CDH13: variants seen among roughly 807,000 people sequenced by gnomAD.
CDH13 encodes the protein cadherin-13.
A neutral mutation model predicts 63.8 loss-of-function variants in CDH13; 24 were observed. That is an observed-to-expected ratio of 0.38 (90% CI 0.27 to 0.53). The LOEUF (loss-of-function observed/expected upper bound fraction) is 0.53, where lower values mean the gene tolerates loss of function less well. CDH13 is among the 20% of genes least tolerant of loss of function. The pLI is 0.85. For synonymous variants in CDH13, 503 were observed against 355.3 expected (o/e 1.42, Z -4.67); for missense variants, 1,049 against 903.1 (o/e 1.16, Z -2.07).
At chr16:83,791,278 C>A (rs1012077384) in intron 13 of CDH13, among the ~76,000 whole-genome samples, 3 of 152,168 alleles carry the variant, frequency 2.0e-5, no homozygotes, top group African/African-American at 7.2e-5. Flanking sequence ...GGGCCGATCA[C>A]CTGAGGTCAG....
At chr16:83,658,694 G>A (rs1913128104) in intron 8 of CDH13, among the ~76,000 whole-genome samples, 1 of 148,438 alleles carries the variant, frequency 6.7e-6, no homozygotes, top group African/African-American at 2.5e-5. Context: ...CTCACCACCA[G>A]GTCCCATATC....
intron 1 of CDH13, among the ~76,000 whole-genome samples, chr16:82,791,654 A>G (rs1487735685): frequency 6.6e-6 from 1 of 152,080 alleles, no homozygotes; most frequent in Non-Finnish European, 1.5e-5. Flanking sequence ...ACCCCTCTGG[A>G]TCCAGCAGGG....
At chr16:83,580,451 TC>T (rs1164179104) in intron 7 of CDH13, among the ~76,000 whole-genome samples, 1 of 7,662 alleles carries the variant, frequency 1.3e-4, no homozygotes, top group African/African-American at 1.1e-3. Flanking sequence ...TGTTCATTTC[TC>T]TCTCTCTCTC....
intron 2 of CDH13, among the ~76,000 whole-genome samples, chr16:82,880,149 C>T (rs1026450901): frequency 6.6e-6 from 1 of 151,912 alleles, no homozygotes; most frequent in African/African-American, 2.4e-5. Flanking sequence ...ACCTACTGAT[C>T]AGTGTATATT....
Position 83,264,176 on chromosome 16 carries a change from C to T in CDH13, c.636+46679C>T, listed in dbSNP as rs370426695. ...TAGGGTATAAATTGCTGCTGCCCAA[C>T]CCTGAATACATTTTTTTTCATCCAG... is the stretch of plus-strand genomic sequence containing the variant. On this transcript the variant is annotated intron_variant, in intron 5 of 13. Transcript: ENST00000567109. Among the ~76,000 whole-genome samples the T allele has an allele frequency of 2.5e-4, 38 of 152,288 alleles. No individual in the cohort carries two copies. In the South Asian group the frequency reaches 7.7e-3, roughly 31 times the overall value.
intron 1 of CDH13, chr16:82,723,219 C>T (rs2032888413): frequency 6.6e-6 from 1 of 152,254 alleles, no homozygotes; most frequent in South Asian, 2.1e-4. Flanking sequence ...AATGTATCTC[C>T]TTAAATCCGT....
intron 1 of CDH13, among the ~76,000 whole-genome samples, chr16:82,635,745 C>T (rs532655847): frequency 1.3e-5 from 2 of 152,240 alleles, no homozygotes; most frequent in East Asian, 1.9e-4. Context: ...TGTCCCCACC[C>T]AAATCTCATG....
chr16:83,771,073 T>C (rs1164812882), intron 11 of CDH13, among the ~76,000 whole-genome samples: 1 of 152,234 alleles, frequency 6.6e-6, no homozygotes, highest in East Asian at 1.9e-4. Flanking sequence ...AACTAGAATG[T>C]AGACCCCCAT....
At position 82,745,873 on chromosome 16, in the gene CDH13, C is replaced by T. The variant is rs74030814; in HGVS notation, c.46-112489C>T. ...AATTTGGTCCTCTGTTATTTTACTT[C>T]CAGAAAATAATTTTTTAGAACTAAG... On this transcript the variant is annotated intron_variant, in intron 1 of 13. Transcript: ENST00000567109. Among the ~76,000 whole-genome samples, 644 of 152,150 alleles carry T rather than the reference C, an allele frequency of 4.2e-3. 4 individuals carry two copies. The highest frequency in any genetic ancestry group is 0.015 in the African/African-American group (623 of 41,518).
Position 83,678,390 on chromosome 16 carries a change from C to G in CDH13, c.1467C>G (p.Asp489Glu). The G allele has an allele frequency of 6.2e-7, 1 of 1,614,004 alleles. No homozygotes were observed. The highest frequency in any genetic ancestry group is 1.1e-5 in the South Asian group (1 of 91,074). Residue 489 changes from aspartate to glutamate, a missense_variant, in exon 10 of 14, where the codon GAC becomes GAG. Asp to Glu is a conservative substitution (Grantham distance 45). Transcript: ENST00000567109. ...PDPMMVTRQE[D>E]LSVGSVLLTV... is the part of the protein sequence containing the mutation. ...CCATGATGGTGACCAGGCAGGAGGA[C>G]CTCTCTGTGGGCAGCGTGCTGCTGA...
rs111860867 is a variant in CDH13 at position 83,550,421 on chromosome 16, C to T, written c.961-52033C>T. Reference sequence around the variant, plus strand: ...GACAGAGGTAATGTGTGGCATGGAGCCATCAGTGACATTTGGTGATTGAAT... The same window carrying T: ...GACAGAGGTAATGTGTGGCATGGAGTCATCAGTGACATTTGGTGATTGAAT... On this transcript the variant is annotated intron_variant, in intron 7 of 13. Coordinates refer to ENST00000567109, the MANE Select transcript of CDH13 (RefSeq NM_001257.5). 5.9e-3 allele frequency among the ~76,000 whole-genome samples: 905 copies of T among 152,298 alleles called. 16 individuals are homozygous for T. The highest frequency in any genetic ancestry group is 0.02 in the African/African-American group (843 of 41,572).
At chr16:82,932,668 C>G (rs144338630) in intron 2 of CDH13, among the ~76,000 whole-genome samples, 105 of 152,262 alleles carry the variant, frequency 6.9e-4, no homozygotes, top group African/African-American at 2.5e-3. Context: ...TATTTAATCC[C>G]TTAGCATAGA....
intron 1 of CDH13, among the ~76,000 whole-genome samples, chr16:82,775,085 T>C (rs1260316460): frequency 2.0e-5 from 3 of 152,220 alleles, no homozygotes; most frequent in African/African-American, 7.2e-5. Flanking sequence ...GAACAGGAGA[T>C]GTCTCTACCA....
rs142850258 is a variant in CDH13 at position 83,192,035 on chromosome 16, C to T, written c.484-25310C>T. Among the ~76,000 whole-genome samples the T allele has an allele frequency of 4.5e-3, 688 of 152,136 alleles. 3 individuals are homozygous for T. Among genetic ancestry groups the T allele is most frequent in the Non-Finnish European group, 7.6e-3 (515 of 68,002 alleles). ...CGGTTAAAGGGGATAGTTAAGGCAC[C>T]TGAAGGACCAAGCCCACCAGCAATC... is the stretch of plus-strand genomic sequence containing the variant. On this transcript the variant is annotated intron_variant, in intron 4 of 13. Coordinates refer to ENST00000567109, the MANE Select transcript of CDH13 (RefSeq NM_001257.5).
At chr16:82,933,259 G>A (rs1014411465) in intron 2 of CDH13, among the ~76,000 whole-genome samples, 2 of 152,130 alleles carry the variant, frequency 1.3e-5, no homozygotes, top group African/African-American at 4.8e-5. Flanking sequence ...GGCCGAAGGG[G>A]AAGCAAATAT....
chr16:82,740,810 A>G (rs761961277), intron 1 of CDH13, among the ~76,000 whole-genome samples: 8 of 152,212 alleles, frequency 5.3e-5, no homozygotes, highest in Admixed American at 1.3e-4. Context: ...CAATGGGGGA[A>G]CATTCTGTTT....
intron 4 of CDH13, among the ~76,000 whole-genome samples, chr16:83,193,901 C>T (rs1416925686): frequency 2.0e-5 from 3 of 152,162 alleles, no homozygotes; most frequent in East Asian, 1.9e-4. Flanking sequence ...GAATAGAAGT[C>T]CCTAGTAAGT....
At chr16:83,567,151 C>T (rs1381177914) in intron 7 of CDH13, among the ~76,000 whole-genome samples, 1 of 152,186 alleles carries the variant, frequency 6.6e-6, no homozygotes, top group Admixed American at 6.5e-5. Flanking sequence ...TCCTTGACTC[C>T]CCAGCCAGGC....
chr16:83,790,747 G>C (rs1266008901), intron 13 of CDH13, among the ~76,000 whole-genome samples: 1 of 152,152 alleles, frequency 6.6e-6, no homozygotes, highest in Admixed American at 6.5e-5. Context: ...TGAAGTGGAT[G>C]TGTAATTCTT....
Sources: allele counts gnomAD v4.1 joint callset (sites outside exome capture counted in the v4.1 genomes callset), GRCh38; gene constraint gnomAD v4.1.1; transcripts MANE v1.5; gene names NCBI Gene and HGNC (gene_info 2026-07-23, HGNC 2026-07-21).